The following UNC5D variants were observed in gnomAD, a reference collection of about 807,000 sequenced individuals.
UNC5D encodes the protein unc-5 netrin receptor D.
UNC5D carries 39 observed loss-of-function variants against 105.4 expected under a neutral mutation model. The ratio of observed to expected loss-of-function variants is 0.37; its 90% CI spans 0.29 to 0.48. The LOEUF (loss-of-function observed/expected upper bound fraction) is 0.48, where lower values mean the gene tolerates loss of function less well. Ranked by LOEUF, UNC5D falls within the 20% of genes least tolerant of loss-of-function variation. The pLI, the probability that UNC5D is intolerant of heterozygous loss-of-function variation, is 0.98. For missense variants in UNC5D, 991 were observed against 1,202.4 expected (o/e 0.82, Z 2.60); for synonymous variants, 452 against 450.4 (o/e 1.00, Z -0.04).
intron 1 of UNC5D, among the ~76,000 whole-genome samples, chr8:35,284,376 T>C (rs541125937): frequency 6.6e-6 from 1 of 152,294 alleles, no homozygotes; most frequent in Admixed American, 6.5e-5. Context: ...ATTACCTTCT[T>C]TCACTACTCC....
Position 35,538,364 on chromosome 8 carries a change from G to T in UNC5D, c.104-10928G>T, listed in dbSNP as rs191837812. Among the ~76,000 whole-genome samples, 256 of 140,850 alleles carry T rather than the reference G, an allele frequency of 1.8e-3. 1 individual carries two copies. The highest frequency in any genetic ancestry group is 6.2e-3 in the African/African-American group (238 of 38,476). 92.4% of individuals were successfully genotyped at this position (140,850 alleles called of 152,430 possible). A position where few individuals can be genotyped will look rare whatever the true frequency, so the allele number is the denominator to read the frequency against. On this transcript the variant is annotated intron_variant, in intron 1 of 16. Transcript: ENST00000404895. ...AAATACAGGGCCCACGTCATGAAAG[G>T]CCTGGTCAGTCGTGATTTAAAAAAA...
intron 1 of UNC5D, among the ~76,000 whole-genome samples, chr8:35,547,908 G>A (rs1021630768): frequency 1.3e-5 from 2 of 152,196 alleles, no homozygotes; most frequent in African/African-American, 4.8e-5. Flanking sequence ...CCGTCTGCAA[G>A]CTGAGGAGCA....
At chr8:35,471,943 A>G (rs1239789227) in intron 1 of UNC5D, among the ~76,000 whole-genome samples, 1 of 151,424 alleles carries the variant, frequency 6.6e-6, no homozygotes, top group East Asian at 1.9e-4. Context: ...AAACAAAATA[A>G]GCAGATATCT....
intron 14 of UNC5D, among the ~76,000 whole-genome samples, chr8:35,765,585 G>T (rs1801729304): frequency 6.6e-6 from 1 of 152,060 alleles, no homozygotes; most frequent in South Asian, 2.1e-4. Flanking sequence ...CCTCCTTCCT[G>T]AGTCCACCAG....
intron 15 of UNC5D, among the ~76,000 whole-genome samples, chr8:35,768,062 G>T (rs997448179): frequency 6.6e-6 from 1 of 151,120 alleles, no homozygotes; most frequent in Admixed American, 6.6e-5. Context: ...ATTTAGGCTT[G>T]GCAGAAGATT....
chr8:35,487,969 A>T (rs187216524), intron 1 of UNC5D, among the ~76,000 whole-genome samples: 1 of 152,344 alleles, frequency 6.6e-6, no homozygotes, highest in Non-Finnish European at 1.5e-5. Flanking sequence ...GTTTGAAAAG[A>T]TGTCCAAGAA....
At chr8:35,735,476 T>C (rs1319079177) in intron 11 of UNC5D, among the ~76,000 whole-genome samples, 1 of 152,260 alleles carries the variant, frequency 6.6e-6, no homozygotes, top group Non-Finnish European at 1.5e-5. Context: ...TCAGCCCAGA[T>C]GGGACATTTC....
chr8:35,533,300 C>G (rs1586067693), intron 1 of UNC5D, among the ~76,000 whole-genome samples: 1 of 151,898 alleles, frequency 6.6e-6, no homozygotes, highest in African/African-American at 2.4e-5. Context: ...GTTGGAATAC[C>G]CTGCCGTGTG....
At chr8:35,615,927 C>T (rs900915385) in intron 4 of UNC5D, among the ~76,000 whole-genome samples, 1 of 152,170 alleles carries the variant, frequency 6.6e-6, no homozygotes, top group Admixed American at 6.5e-5. Flanking sequence ...CAAAGATTCT[C>T]ATATACATGG....
chr8:35,462,162 A>G lies in UNC5D; in HGVS notation c.104-87130A>G, dbSNP rs557308156. Among the ~76,000 whole-genome samples the G allele has an allele frequency of 1.1e-4, 17 of 152,270 alleles. No homozygotes were observed. The South Asian group carries it at 2.9e-3, about 26-fold the overall frequency. On this transcript the variant is annotated intron_variant, in intron 1 of 16. Coordinates refer to ENST00000404895, the MANE Select transcript of UNC5D (RefSeq NM_080872.4). ...GTTTTCTCTCAAGCCCTTAAATTCA[A>G]TTTACAAATCTAATTATTCTTTTAC...
intron 1 of UNC5D, among the ~76,000 whole-genome samples, chr8:35,463,182 C>T (rs543809746): frequency 6.6e-6 from 1 of 152,108 alleles, no homozygotes; most frequent in Admixed American, 6.5e-5. Context: ...CCATCCCTGC[C>T]CACAGAGCAC....
At chr8:35,246,407 AT>A (rs1010041275) in intron 1 of UNC5D, among the ~76,000 whole-genome samples, 70 of 151,050 alleles carry the variant, frequency 4.6e-4, no homozygotes, top group African/African-American at 1.3e-3. Context: ...AGAGAAATCT[AT>A]TTTTTTTTGT....
At chr8:35,455,959 A>T (rs538258046) in intron 1 of UNC5D, among the ~76,000 whole-genome samples, 2 of 152,314 alleles carry the variant, frequency 1.3e-5, no homozygotes, top group African/African-American at 4.8e-5. Flanking sequence ...GTAGGGACAC[A>T]GCCAAACCAT....
At chr8:35,584,997 A>C (rs1343453766) in intron 3 of UNC5D, among the ~76,000 whole-genome samples, 1 of 152,194 alleles carries the variant, frequency 6.6e-6, no homozygotes, top group Non-Finnish European at 1.5e-5. Context: ...GGAGTAGCTC[A>C]ATAGAGAATA....
chr8:35,300,546 A>G (rs950430759), intron 1 of UNC5D, among the ~76,000 whole-genome samples: 5 of 151,670 alleles, frequency 3.3e-5, no homozygotes, highest in African/African-American at 1.2e-4. Flanking sequence ...CCAAGAAACC[A>G]AAGGGAATAC....
At chr8:35,737,273 TG>T (rs1395254167) in intron 11 of UNC5D, among the ~76,000 whole-genome samples, 2 of 148,136 alleles carry the variant, frequency 1.4e-5, no homozygotes, top group African/African-American at 5.1e-5. Context: ...TGTGTGTGTG[TG>T]TGTGTGTGTG....
At chr8:35,248,080 A>AAT (rs1260445164) in intron 1 of UNC5D, among the ~76,000 whole-genome samples, 8 of 61,202 alleles carry the variant, frequency 1.3e-4, no homozygotes, top group Admixed American at 6.4e-4. Context: ...ATATATAAAA[A>AAT]ATATAATATA....
chr8:35,394,841 C>T (rs1289975001), intron 1 of UNC5D, among the ~76,000 whole-genome samples: 1 of 152,064 alleles, frequency 6.6e-6, no homozygotes, highest in South Asian at 2.1e-4. Context: ...ATTTTCAGGT[C>T]GTGTTAGTAG....
intron 1 of UNC5D, among the ~76,000 whole-genome samples, chr8:35,311,097 AG>A (rs1808844919): frequency 6.6e-6 from 1 of 152,190 alleles, no homozygotes; most frequent in Non-Finnish European, 1.5e-5. Flanking sequence ...TACCTGAAAC[AG>A]GTCTTGGAGC....
Sources: allele counts gnomAD v4.1 joint callset (sites outside exome capture counted in the v4.1 genomes callset), GRCh38; gene constraint gnomAD v4.1.1; transcripts MANE v1.5; gene names NCBI Gene and HGNC (gene_info 2026-07-23, HGNC 2026-07-21).